Variants in SRPK1 observed in about 807,000 individuals in gnomAD.
SRPK1 encodes SFRS protein kinase 1.
Under a neutral mutation model 89.5 loss-of-function variants are expected in SRPK1, and 52 were observed. That is an observed-to-expected ratio of 0.58 (90% CI 0.46 to 0.73). The LOEUF (loss-of-function observed/expected upper bound fraction) is 0.73, where lower values mean the gene tolerates loss of function less well. SRPK1 is among the 30% of genes least tolerant of loss of function. The pLI is 0.00. For synonymous variants in SRPK1, 255 were observed against 270.2 expected, an observed-to-expected ratio of 0.94 and a Z score of 0.55; for missense variants, 603 against 780.6, an observed-to-expected ratio of 0.77 and a Z score of 2.71.
intron 2 of SRPK1, among the ~76,000 whole-genome samples, chr6:35,893,503 G>A (rs987758106): frequency 1.3e-5 from 2 of 151,826 alleles, no homozygotes; most frequent in African/African-American, 4.8e-5. Context: ...AAGGGGTGGG[G>A]GATGATTAAC....
chr6:35,869,205 G>A, intron 11 of SRPK1, 95 bp from the exon 12 acceptor site: 1 of 1,056,522 alleles, frequency 9.5e-7, no homozygotes, highest in Non-Finnish European at 1.4e-6. Context: ...AATACAGTCA[G>A]CAATACCCAA....
chr6:35,899,635 T>C (rs1242947705), intron 2 of SRPK1, among the ~76,000 whole-genome samples: 1 of 152,200 alleles, frequency 6.6e-6, no homozygotes, highest in Non-Finnish European at 1.5e-5. Flanking sequence ...GCCTTAAATG[T>C]CAAGCATTGA....
rs1291186887 is a variant in SRPK1, at chr6:35,870,326, G to T, written c.946C>A (p.Pro316Thr). 6.2e-7 allele frequency: 1 copy of T among 1,613,456 alleles called. No homozygotes were observed. The highest frequency in any genetic ancestry group is 8.5e-7 in the Non-Finnish European group (1 of 1,179,736). The change falls in exon 10 of 16, where the codon CCC (proline) becomes ACC (threonine). Residue 316 changes from proline to threonine, a missense_variant. Pro to Thr is a conservative substitution (Grantham distance 38). Coordinates refer to ENST00000373825, the MANE Select transcript of SRPK1 (RefSeq NM_003137.5). ...TTATTAGGTGGGTTCTCTTTCAAGG[G>T]TCTTTCAACAGGACTCTCTGATTCT... ...QEESESPVER[P>T]LKENPPNKMT...
At chr6:35,920,934 C>A (rs1446795579) in intron 1 of SRPK1, 110 bp downstream of exon 1, 6 of 1,293,298 alleles carry the variant, frequency 4.6e-6, no homozygotes, top group Non-Finnish European at 6.3e-6. Flanking sequence ...TGGAGGGGCG[C>A]CGCACGTCCG....
At chr6:35,875,668 T>C (rs1024150480) in intron 6 of SRPK1, among the ~76,000 whole-genome samples, 3 of 152,044 alleles carry the variant, frequency 2.0e-5, no homozygotes, top group Non-Finnish European at 4.4e-5. Context: ...ATTACAGAAA[T>C]AGAAAATCAC....
chr6:35,846,087 T>A (rs1769420195), intron 13 of SRPK1, among the ~76,000 whole-genome samples: 1 of 151,502 alleles, frequency 6.6e-6, no homozygotes, highest in South Asian at 2.1e-4. Context: ...AAACACGGAG[T>A]TTTTCTTCAA....
At chr6:35,885,298 C>CACACACACACACAGAG (rs1276672274) in intron 6 of SRPK1, among the ~76,000 whole-genome samples, 3 of 113,114 alleles carry the variant, frequency 2.7e-5, no homozygotes, top group African/African-American at 1.1e-4. Flanking sequence ...CACACACACA[C>CACACACACACACAGAG]AGAGAGAGAG....
At chr6:35,920,872 G>C in intron 1 of SRPK1, 172 bp downstream of exon 1, 1 of 647,074 alleles carries the variant, frequency 1.5e-6, no homozygotes, top group East Asian at 3.5e-5. Flanking sequence ...CCGGACTGAG[G>C]GGCGCGGACC....
At chr6:35,890,552 T>A (rs916620693) in intron 3 of SRPK1, among the ~76,000 whole-genome samples, 17 of 152,364 alleles carry the variant, frequency 1.1e-4, no homozygotes, top group African/African-American at 4.1e-4. Flanking sequence ...GGTAAGAAGG[T>A]ATTTTGTAAA....
intron 2 of SRPK1, chr6:35,919,962 C>T (rs1392278168): frequency 5.0e-6 from 2 of 403,488 alleles, no homozygotes; most frequent in Admixed American, 6.1e-5. Flanking sequence ...GTTGACTAAC[C>T]CAGGGAAAAG....
chr6:35,900,685 G>A (rs1278556598), intron 2 of SRPK1, among the ~76,000 whole-genome samples: 3 of 152,226 alleles, frequency 2.0e-5, no homozygotes, highest in Non-Finnish European at 2.9e-5. Flanking sequence ...AGGGGACACA[G>A]TGTGCTCATG....
rs373104492 is a variant in SRPK1 at position 35,890,887 on chromosome 6, G to C, written c.193+8C>G. On this transcript the variant is annotated splice_region_variant and intron_variant, in intron 3 of 15. Coordinates refer to ENST00000373825, the MANE Select transcript of SRPK1 (RefSeq NM_003137.5). Reference sequence around the variant, plus strand: ...CATGTCTCACTTCATACCTCTTTATGAACTTACCTTTACAATAATCATTAG... The same window carrying C: ...CATGTCTCACTTCATACCTCTTTATCAACTTACCTTTACAATAATCATTAG... 2.5e-5 allele frequency: 38 copies of C among 1,545,994 alleles called. No individual in the cohort carries two copies. In the African/African-American group the frequency reaches 5.1e-4, roughly 21 times the overall value.
intron 13 of SRPK1, among the ~76,000 whole-genome samples, chr6:35,855,182 G>A (rs1355429962): frequency 6.6e-6 from 1 of 152,038 alleles, no homozygotes; most frequent in Non-Finnish European, 1.5e-5. Flanking sequence ...GCCACCTGTA[G>A]TCCCAGATAC....
rs371124622 is a variant in SRPK1, at chr6:35,888,866, C to T, written c.251G>A (p.Arg84Gln). 8.7e-6 allele frequency: 14 copies of T among 1,613,392 alleles called. No individual in the cohort carries two copies. Among genetic ancestry groups the T allele is most frequent in the Non-Finnish European group, 1.2e-5 (14 of 1,179,512 alleles). The change falls in exon 4 of 16, where the codon CGA becomes CAA. Residue 84 changes from arginine (R) to glutamine (Q), a missense_variant. Coordinates refer to ENST00000373825, the MANE Select transcript of SRPK1 (RefSeq NM_003137.5). The part of the protein sequence containing the change: ...DLFNGRYHVI[R>Q]KLGWGHFSTV... Reference sequence around the variant, plus strand: ...TGAAAAGTGTCCCCAGCCTAACTTTCGGATCACATGGTATCTCCCATTGAA... The same window carrying T: ...TGAAAAGTGTCCCCAGCCTAACTTTTGGATCACATGGTATCTCCCATTGAA...
chr6:35,867,667 T>C (rs1354872139), intron 12 of SRPK1, among the ~76,000 whole-genome samples: 1 of 151,970 alleles, frequency 6.6e-6, no homozygotes, highest in Non-Finnish European at 1.5e-5. Flanking sequence ...AATACAAAAA[T>C]TAGCCAGGGC....
intron 15 of SRPK1, among the ~76,000 whole-genome samples, chr6:35,837,951 C>G (rs1036343201): frequency 3.3e-5 from 5 of 151,820 alleles, no homozygotes; most frequent in Non-Finnish European, 7.4e-5. Context: ...TCACTGCAAC[C>G]TCCGCCTCCC....
chr6:35,852,532 T>G (rs1309100421), intron 13 of SRPK1, among the ~76,000 whole-genome samples: 1 of 152,182 alleles, frequency 6.6e-6, no homozygotes, highest in Non-Finnish European at 1.5e-5. Flanking sequence ...GCATTCAAAA[T>G]CCAGCCTCCA....
At chr6:35,907,280 C>T (rs1315680438) in intron 2 of SRPK1, among the ~76,000 whole-genome samples, 1 of 152,002 alleles carries the variant, frequency 6.6e-6, no homozygotes, top group Non-Finnish European at 1.5e-5. Context: ...AATTTGAACA[C>T]AGATTGAATA....
At chr6:35,868,512 G>C (rs1362301402) in intron 12 of SRPK1, among the ~76,000 whole-genome samples, 1 of 152,180 alleles carries the variant, frequency 6.6e-6, no homozygotes, top group African/African-American at 2.4e-5. Context: ...ACAAAGAGCT[G>C]TCAAAAATAT....
Sources: gnomAD v4.1 joint callset for allele counts (sites outside exome capture counted in the v4.1 genomes callset) on GRCh38, gnomAD v4.1.1 for gene constraint, MANE v1.5 for transcripts, NCBI Gene and HGNC (gene_info 2026-07-23, HGNC 2026-07-21) for gene names.